GRM7: variants seen among roughly 807,000 people sequenced by gnomAD.
The protein encoded by GRM7 is glutamate metabotropic receptor 7.
Under a neutral mutation model 84.5 loss-of-function variants are expected in GRM7, and 35 were observed. That is an observed-to-expected ratio of 0.41 (90% CI 0.32 to 0.55). The LOEUF (loss-of-function observed/expected upper bound fraction) is 0.55, where lower values mean the gene tolerates loss of function less well. GRM7 is among the 20% of genes least tolerant of loss of function. The pLI is 0.19. For missense variants in GRM7, 1,003 were observed against 1,194.6 expected (o/e 0.84, Z 2.36); for synonymous variants, 487 against 455.1 (o/e 1.07, Z -0.89).
At chr3:7,148,764 C>A (rs148926053) in intron 2 of GRM7, among the ~76,000 whole-genome samples, 159 of 152,200 alleles carry the variant, frequency 1.0e-3, no homozygotes, top group African/African-American at 3.3e-3. Context: ...CATTGAAAAG[C>A]CCCAGCTAAA....
chr3:7,631,572 G>C (rs1697861998), intron 8 of GRM7, among the ~76,000 whole-genome samples: 1 of 152,150 alleles, frequency 6.6e-6, no homozygotes. Context: ...GAAGCTTTAA[G>C]TATAATGGGG....
intron 1 of GRM7, among the ~76,000 whole-genome samples, chr3:6,942,774 T>C (rs1413411109): frequency 6.6e-6 from 1 of 152,120 alleles, no homozygotes; most frequent in African/African-American, 2.4e-5. Context: ...GGTAAGAATA[T>C]GCTTAACTTT....
chr3:6,984,465 G>T (rs554174263), intron 1 of GRM7, among the ~76,000 whole-genome samples: 2 of 151,998 alleles, frequency 1.3e-5, no homozygotes, highest in East Asian at 3.9e-4. Flanking sequence ...TCCATCAATG[G>T]TTACTGGATT....
At chr3:7,201,061 C>A (rs1696052630) in intron 2 of GRM7, among the ~76,000 whole-genome samples, 1 of 149,328 alleles carries the variant, frequency 6.7e-6, no homozygotes, top group Non-Finnish European at 1.5e-5. Context: ...ACTCTGCCTC[C>A]TGGGTTCATG....
chr3:7,552,737 T>A (rs924372100), intron 7 of GRM7, among the ~76,000 whole-genome samples: 1 of 152,212 alleles, frequency 6.6e-6, no homozygotes, highest in African/African-American at 2.4e-5. Flanking sequence ...GTCCTGAGAC[T>A]GTGCAAAGCA....
intron 2 of GRM7, among the ~76,000 whole-genome samples, chr3:7,179,092 C>G (rs954420830): frequency 6.6e-6 from 1 of 151,908 alleles, no homozygotes; most frequent in Non-Finnish European, 1.5e-5. Context: ...AGTGACAGAG[C>G]CAGACTCTAT....
At chr3:7,244,653 A>C (rs544267205) in intron 2 of GRM7, among the ~76,000 whole-genome samples, 1 of 152,248 alleles carries the variant, frequency 6.6e-6, no homozygotes, top group Non-Finnish European at 1.5e-5. Context: ...AACTCCCACA[A>C]GATTAAGATG....
At chr3:7,716,574 T>G (rs1182320647) in intron 9 of GRM7, among the ~76,000 whole-genome samples, 1 of 152,092 alleles carries the variant, frequency 6.6e-6, no homozygotes, top group Non-Finnish European at 1.5e-5. Context: ...GTGACTGAGT[T>G]TTTTCATACA....
intron 2 of GRM7, among the ~76,000 whole-genome samples, chr3:7,237,599 G>T (rs537883237): frequency 6.6e-6 from 1 of 152,080 alleles, no homozygotes; most frequent in Admixed American, 6.5e-5. Flanking sequence ...TCGTGGTCTC[G>T]CTGGCTTCAG....
intron 1 of GRM7, among the ~76,000 whole-genome samples, chr3:6,919,608 C>G (rs1301613392): frequency 1.3e-5 from 2 of 150,056 alleles, no homozygotes; most frequent in African/African-American, 4.9e-5. Flanking sequence ...TAGTTTTTTC[C>G]TCTGCAGCCA....
In GRM7 at chr3:7,092,234, C is replaced by A. The variant is rs191208932; in HGVS notation, c.520-54218C>A. 5.9e-5 allele frequency among the ~76,000 whole-genome samples: 9 copies of A among 152,172 alleles called. No homozygotes were observed. In the East Asian group the frequency reaches 1.7e-3, roughly 29 times the overall value. On this transcript the variant is annotated intron_variant, in intron 1 of 9. Coordinates refer to ENST00000357716, the MANE Select transcript of GRM7 (RefSeq NM_000844.4). ...TCAGAACAGAATCTAGTTAGAAGCC[C>A]CTGAATTAACTTTTTCCATGCCTGA... is the stretch of plus-strand genomic sequence containing the variant.
At chr3:7,704,973 T>C (rs1160507007) in intron 9 of GRM7, among the ~76,000 whole-genome samples, 1 of 152,122 alleles carries the variant, frequency 6.6e-6, no homozygotes, top group Non-Finnish European at 1.5e-5. Context: ...ACCAGTTCCT[T>C]CTCTGTTCGA....
chr3:7,683,251 A>G (rs1700450908), intron 9 of GRM7, among the ~76,000 whole-genome samples: 1 of 152,110 alleles, frequency 6.6e-6, no homozygotes, highest in South Asian at 2.1e-4. Flanking sequence ...CTGCCCAGGT[A>G]GAGGCCTCAT....
Position 7,680,267 on chromosome 3 carries a change from C to T in GRM7, c.2670C>T (p.Thr890=), listed in dbSNP as rs149053611. The T allele has an allele frequency of 5.3e-5, 85 of 1,613,998 alleles. No individual in the cohort carries two copies. The highest frequency in any genetic ancestry group is 6.3e-5 in the Non-Finnish European group (74 of 1,179,990). The change falls in exon 9 of 10, where the codon ACC becomes ACT. Residue 890 remains threonine, a synonymous_variant. Coordinates refer to ENST00000357716, the MANE Select transcript of GRM7 (RefSeq NM_000844.4). ...PSDRPNGEAK[T]ELCENVDPNS... is the part of the protein sequence containing the mutation. ...ACAGACCCAACGGTGAGGCAAAGAC[C>T]GAGCTCTGTGAAAACGTAGACCCAA...
intron 5 of GRM7, among the ~76,000 whole-genome samples, chr3:7,420,719 T>C (rs532419433): frequency 6.6e-6 from 1 of 152,290 alleles, no homozygotes; most frequent in East Asian, 1.9e-4. Context: ...TGGAAATGTA[T>C]CAAATTATTA....
chr3:7,454,111 C>A (rs1250388831), intron 6 of GRM7, among the ~76,000 whole-genome samples: 3 of 123,460 alleles, frequency 2.4e-5, no homozygotes, highest in Admixed American at 8.0e-5. Context: ...CTCTCTCTCT[C>A]TCTCTCTCTC....
chr3:7,252,078 A>T (rs1698012328), intron 2 of GRM7, among the ~76,000 whole-genome samples: 1 of 152,156 alleles, frequency 6.6e-6, no homozygotes, highest in South Asian at 2.1e-4. Flanking sequence ...GAAATAGAAT[A>T]TATCCAACTT....
chr3:7,011,361 C>A (rs1414109305), intron 1 of GRM7, among the ~76,000 whole-genome samples: 1 of 152,176 alleles, frequency 6.6e-6, no homozygotes, highest in African/African-American at 2.4e-5. Flanking sequence ...ATTGGTAAAT[C>A]TCTACCCTGA....
intron 2 of GRM7, among the ~76,000 whole-genome samples, chr3:7,155,655 T>A (rs999813560): frequency 3.3e-5 from 5 of 152,194 alleles, no homozygotes. Context: ...CTTTGAGACC[T>A]GCACAAAGGG....
Sources: gnomAD v4.1 joint callset for allele counts (sites outside exome capture counted in the v4.1 genomes callset) on GRCh38, gnomAD v4.1.1 for gene constraint, MANE v1.5 for transcripts, NCBI Gene and HGNC (gene_info 2026-07-23, HGNC 2026-07-21) for gene names.